Variants in DNAAF5 observed in about 807,000 individuals in gnomAD.
DNAAF5 encodes HEAT repeat containing 2.
Under a neutral mutation model 75.8 loss-of-function variants are expected in DNAAF5, and 64 were observed. The ratio of observed to expected loss-of-function variants is 0.84; its 90% confidence interval spans 0.69 to 1.04. The LOEUF (loss-of-function observed/expected upper bound fraction) is 1.04. Among genes scored for constraint, DNAAF5 ranks in the 50% least tolerant of loss-of-function variants. The pLI is 0.00. For missense variants in DNAAF5, 1,269 were observed against 1,178.5 expected (o/e 1.08, Z -1.12); for synonymous variants, 657 against 557.2 (o/e 1.18, Z -2.52).
chr7:754,122 G>A lies in DNAAF5; in HGVS notation c.1025-467G>A, dbSNP rs1019603900. ...CAGGCGTGTCTCTCTGATCATACACGTCAGCACGTGTGGCAAGTGTGTTGT... is the reference window on the plus strand; with the variant it reads ...CAGGCGTGTCTCTCTGATCATACACATCAGCACGTGTGGCAAGTGTGTTGT... On this transcript the variant is annotated intron_variant, in intron 4 of 12. Coordinates refer to ENST00000297440, the MANE Select transcript of DNAAF5 (RefSeq NM_017802.4). This position sits in a 1 kb window ranked among gnomAD's most constrained non-coding sequence, Gnocchi z 4.8. Among the ~76,000 whole-genome samples the A allele has an allele frequency of 6.6e-5, 10 of 152,168 alleles. No individual in the cohort carries two copies. Among genetic ancestry groups the A allele is most frequent in the East Asian group, 1.9e-4 (1 of 5,198 alleles).
In DNAAF5 at chr7:754,661, A is replaced by G. The variant is rs956564505; in HGVS notation, c.1097A>G (p.His366Arg). The change falls in exon 5 of 13, where the codon CAC becomes CGC. Residue 366 changes from histidine to arginine, a missense_variant. His to Arg is a conservative substitution (Grantham distance 29). Coordinates refer to ENST00000297440, the MANE Select transcript of DNAAF5 (RefSeq NM_017802.4). The surrounding 1 kb of genome is among the most constrained non-coding windows in gnomAD (Gnocchi z 4.8). Reference sequence around the variant, plus strand: ...TCCAAGATCCTCCCTGCCCTGTGCCACGACATCACCGACTGGGTGGTGGGG... The same window carrying G: ...TCCAAGATCCTCCCTGCCCTGTGCCGCGACATCACCGACTGGGTGGTGGGG... The part of the protein sequence containing the change: ...NLSKILPALC[H>R]DITDWVVGTR... The G allele has an allele frequency of 1.2e-6, 2 of 1,614,000 alleles. No individual in the cohort carries two copies. Among genetic ancestry groups the G allele is most frequent in the Admixed American group, 3.3e-5 (2 of 60,018 alleles).
chr7:779,077 A>G (rs1455828426), intron 11 of DNAAF5, among the ~76,000 whole-genome samples: 1 of 152,248 alleles, frequency 6.6e-6, no homozygotes, highest in African/African-American at 2.4e-5. Context: ...ACTTGTCTCA[A>G]AGCCTGGCTT....
At chr7:735,678 C>T (rs977929946) in intron 2 of DNAAF5, among the ~76,000 whole-genome samples, 36 of 152,246 alleles carry the variant, frequency 2.4e-4, no homozygotes, top group African/African-American at 8.4e-4. Context: ...TTACTTGGGT[C>T]TTCTCTTTTT....
intron 12 of DNAAF5, among the ~76,000 whole-genome samples, chr7:785,001 T>C (rs1263034051): frequency 1.3e-5 from 2 of 151,872 alleles, no homozygotes; most frequent in Non-Finnish European, 2.9e-5. Context: ...ACTCAGGTCA[T>C]TCGTATCCAC....
chr7:764,519 C>T (rs995978678), intron 8 of DNAAF5, among the ~76,000 whole-genome samples: 1 of 152,214 alleles, frequency 6.6e-6, no homozygotes, highest in Admixed American at 6.5e-5. Context: ...CCGCGCTGCT[C>T]CACGGGCCGT....
At chr7:739,376 A>T (rs1583480587) in intron 2 of DNAAF5, among the ~76,000 whole-genome samples, 1 of 152,092 alleles carries the variant, frequency 6.6e-6, no homozygotes, top group African/African-American at 2.4e-5. Flanking sequence ...TCTGCTCGAG[A>T]CCTGCCGGCG....
chr7:746,635 C>T (rs1232212686), intron 4 of DNAAF5, among the ~76,000 whole-genome samples: 3 of 151,420 alleles, frequency 2.0e-5, no homozygotes, highest in African/African-American at 2.4e-5. Context: ...GGTCCTGCCA[C>T]CCCCCACCCA....
At chr7:765,932 G>T (rs571924831) in intron 8 of DNAAF5, among the ~76,000 whole-genome samples, 2 of 152,132 alleles carry the variant, frequency 1.3e-5, no homozygotes, top group Non-Finnish European at 2.9e-5. Context: ...GGGCTCAAGC[G>T]ATCCTCCTGC....
At chr7:778,130 A>T (rs2128085957) in intron 11 of DNAAF5, 1 of 152,256 alleles carries the variant, frequency 6.6e-6, no homozygotes, top group South Asian at 2.1e-4. Context: ...TTCTGTTTTT[A>T]TTCTTTAGTA....
chr7:741,946 A>C (rs1287682315), intron 4 of DNAAF5, among the ~76,000 whole-genome samples: 1 of 152,048 alleles, frequency 6.6e-6, no homozygotes, highest in Non-Finnish European at 1.5e-5. Context: ...CATGATTTCC[A>C]ACCTGGGAAC....
intron 6 of DNAAF5, among the ~76,000 whole-genome samples, chr7:760,347 A>T (rs1198203166): frequency 6.6e-6 from 1 of 152,222 alleles, no homozygotes; most frequent in Non-Finnish European, 1.5e-5. Context: ...TTGCACCCCC[A>T]TTAGTAAAAA....
chr7:750,330 G>A lies in DNAAF5; in HGVS notation c.1025-4259G>A, dbSNP rs76487506. On this transcript the variant is annotated intron_variant, in intron 4 of 12. Coordinates refer to ENST00000297440, the MANE Select transcript of DNAAF5 (RefSeq NM_017802.4). ...GTACGTCACTGTAGTACGTTCACAC[G>A]GCAACGAAATCACCCAATGACGTGT... is the stretch of plus-strand genomic sequence containing the variant. Among the ~76,000 whole-genome samples the A allele has an allele frequency of 3.0e-3, 455 of 152,268 alleles. 5 individuals carry two copies. The highest frequency in any genetic ancestry group is 0.01 in the African/African-American group (436 of 41,548).
chr7:764,678 T>C (rs536745732), intron 8 of DNAAF5, among the ~76,000 whole-genome samples: 1 of 152,310 alleles, frequency 6.6e-6, no homozygotes, highest in East Asian at 1.9e-4. Context: ...TTACACAATC[T>C]CTGTGCCTGG....
Position 786,213 on chromosome 7 carries a change from T to A in DNAAF5, c.*560T>A, listed in dbSNP as rs1779140837. 6.6e-6 allele frequency: 1 copy of A among 152,612 alleles called. No individual in the cohort carries two copies. The highest frequency in any genetic ancestry group is 2.1e-4 in the South Asian group (1 of 4,844). The allele number at this position is 152,612 out of a possible 1,614,324, so 9.5% of individuals were successfully genotyped here. ...GTTATATGTCCGGTCACCGTATGTT[T>A]TAAGTCGGTGTTAATGCTAACAGTG... On this transcript the variant is annotated 3_prime_UTR_variant, in exon 13 of 13. Transcript: ENST00000297440.
chr7:739,489 G>A lies in DNAAF5; in HGVS notation c.781-1330G>A, dbSNP rs182831242. Reference sequence around the variant, plus strand: ...TTGGGTTTCTCTTAGTTGTTATCTGGGCATTTGTATTTGTGGTTGCTAGTA... The same window carrying A: ...TTGGGTTTCTCTTAGTTGTTATCTGAGCATTTGTATTTGTGGTTGCTAGTA... On this transcript the variant is annotated intron_variant, in intron 2 of 12. Transcript: ENST00000297440. Among the ~76,000 whole-genome samples the A allele has an allele frequency of 5.1e-3, 780 of 152,330 alleles. 6 individuals carry two copies. The highest frequency in any genetic ancestry group is 7.2e-3 in the Non-Finnish European group (489 of 68,034).
At chr7:760,961 C>A (rs1452646418) in intron 6 of DNAAF5, among the ~76,000 whole-genome samples, 1 of 152,264 alleles carries the variant, frequency 6.6e-6, no homozygotes, top group Non-Finnish European at 1.5e-5. Context: ...AGCTTCAGCG[C>A]TGACCAGCCC....
intron 7 of DNAAF5, 143 bp from the exon 8 acceptor site, chr7:763,663 C>G (rs2128081008): frequency 1.1e-6 from 1 of 929,512 alleles, no homozygotes; most frequent in Non-Finnish European, 1.6e-6. Flanking sequence ...GCGGGGCTCC[C>G]TGTGGCAGCC....
rs560736834 is a variant in DNAAF5, at chr7:756,130, G to A, written c.1258-652G>A. Among the ~76,000 whole-genome samples, 98 of 146,864 alleles carry A rather than the reference G, an allele frequency of 6.7e-4. 1 individual carries two copies. The highest frequency in any genetic ancestry group is 2.4e-3 in the African/African-American group (91 of 38,694). ...ACTGTGGAATCCCATGGTGCAGAGG[G>A]GCTGGTGTGTGTGTGATCCGCTGTG... On this transcript the variant is annotated intron_variant, in intron 5 of 12. Transcript: ENST00000297440.
At chr7:782,050 C>T (rs1341005508) in intron 12 of DNAAF5, among the ~76,000 whole-genome samples, 5 of 152,262 alleles carry the variant, frequency 3.3e-5, no homozygotes, top group Admixed American at 6.5e-5. Flanking sequence ...CTTAGACCTT[C>T]CCCGCGCAGC....
Sources: allele counts gnomAD v4.1 joint callset (sites outside exome capture counted in the v4.1 genomes callset), GRCh38; gene constraint gnomAD v4.1.1; non-coding constraint Gnocchi (gnomAD v3.1); transcripts MANE v1.5; gene names NCBI Gene and HGNC (gene_info 2026-07-23, HGNC 2026-07-21).